The following GLIS3 variants were observed in gnomAD, a reference collection of about 807,000 sequenced individuals.
GLIS3 encodes GLIS family zinc finger 3.
In GLIS3, 53 loss-of-function variants were observed where a neutral mutation model predicts 78.6. That is an observed-to-expected ratio of 0.67 (90% confidence interval 0.54 to 0.85). The LOEUF (loss-of-function observed/expected upper bound fraction) is 0.85. Among genes scored for constraint, GLIS3 ranks in the 40% least tolerant of loss-of-function variants. The pLI is 0.00. For missense variants in GLIS3, 1,703 were observed against 1,231.1 expected, an observed-to-expected ratio of 1.38 and a Z score of -5.74; for synonymous variants, 684 against 509.9, an observed-to-expected ratio of 1.34 and a Z score of -4.60.
intron 6 of GLIS3, among the ~76,000 whole-genome samples, chr9:3,931,468 T>C (rs1825611584): frequency 6.6e-6 from 1 of 152,134 alleles, no homozygotes; most frequent in Non-Finnish European, 1.5e-5. Context: ...AAATTTGTTA[T>C]AAAGGGCCCT....
chr9:4,209,772 C>T (rs578141988), intron 2 of GLIS3, among the ~76,000 whole-genome samples: 1 of 151,636 alleles, frequency 6.6e-6, no homozygotes. Flanking sequence ...GGATGTTTAA[C>T]AGCATCCCTG....
intron 1 of GLIS3, chr9:4,298,594 ATT>A (rs1348058635): frequency 3.5e-6 from 1 of 285,896 alleles, no homozygotes; most frequent in Non-Finnish European, 7.0e-6. Flanking sequence ...ACACAGGGTC[ATT>A]TATAGGGACT....
intron 7 of GLIS3, among the ~76,000 whole-genome samples, chr9:3,889,394 C>T (rs944777810): frequency 3.3e-5 from 5 of 152,258 alleles, no homozygotes; most frequent in African/African-American, 1.2e-4. Flanking sequence ...TTCTGGATGC[C>T]TTCAATGGAA....
chr9:4,343,323 C>T (rs1386956415), intron 2 of GLIS3, among the ~76,000 whole-genome samples: 2 of 152,172 alleles, frequency 1.3e-5, no homozygotes, highest in African/African-American at 2.4e-5. Context: ...GCATGGGCAA[C>T]AGAGCTAGCA....
intron 4 of GLIS3, among the ~76,000 whole-genome samples, chr9:3,967,026 AAAAAAAAC>A (rs1463284870): frequency 8.0e-4 from 113 of 141,654 alleles, no homozygotes; most frequent in African/African-American, 2.9e-3. Context: ...AAAAAAAAAA[AAAAAAAAC>A]AAAAAAACAT....
At chr9:4,290,081 T>C (rs1389788540) in intron 1 of GLIS3, among the ~76,000 whole-genome samples, 1 of 152,128 alleles carries the variant, frequency 6.6e-6, no homozygotes, top group Non-Finnish European at 1.5e-5. Context: ...CCAGAAAATT[T>C]CAAGAACATG....
At chr9:3,888,249 T>TA (rs1822208596) in intron 7 of GLIS3, among the ~76,000 whole-genome samples, 6 of 152,126 alleles carry the variant, frequency 3.9e-5, no homozygotes, top group Admixed American at 2.6e-4. Context: ...AAAGCTGCAG[T>TA]AAAAAATACT....
At chr9:3,835,608 C>A (rs1219771307) in intron 9 of GLIS3, among the ~76,000 whole-genome samples, 2 of 152,184 alleles carry the variant, frequency 1.3e-5, no homozygotes, top group Non-Finnish European at 2.9e-5. Flanking sequence ...TGTGTGCTTG[C>A]CTTTGCTGCA....
chr9:3,848,044 T>A (rs1025106452), intron 9 of GLIS3, among the ~76,000 whole-genome samples: 9 of 152,244 alleles, frequency 5.9e-5, no homozygotes, highest in African/African-American at 2.2e-4. Context: ...TGATTTATAA[T>A]CAATTATATT....
At chr9:4,015,640 C>T (rs1340177601) in intron 4 of GLIS3, among the ~76,000 whole-genome samples, 4 of 152,168 alleles carry the variant, frequency 2.6e-5, no homozygotes, top group Non-Finnish European at 5.9e-5. Context: ...GTAATCCCAG[C>T]ACTTTGGGAG....
chr9:4,249,657 T>A (rs545206352), intron 2 of GLIS3, among the ~76,000 whole-genome samples: 7 of 152,236 alleles, frequency 4.6e-5, no homozygotes, highest in Admixed American at 4.6e-4. Flanking sequence ...AATACTATGT[T>A]GAATAAGGGT....
At chr9:4,171,212 T>C (rs577759881) in intron 2 of GLIS3, among the ~76,000 whole-genome samples, 1 of 152,298 alleles carries the variant, frequency 6.6e-6, no homozygotes, top group Non-Finnish European at 1.5e-5. Flanking sequence ...TACATATACA[T>C]ATAAGTACAC....
intron 2 of GLIS3, among the ~76,000 whole-genome samples, chr9:4,271,714 C>A (rs1393212411): frequency 6.6e-6 from 1 of 152,136 alleles, no homozygotes; most frequent in Non-Finnish European, 1.5e-5. Flanking sequence ...AACCAAAAGT[C>A]TTGAATAAGG....
intron 4 of GLIS3, among the ~76,000 whole-genome samples, chr9:4,053,400 C>A (rs74872476): frequency 0.013 from 2,052 of 152,190 alleles, 29 homozygotes; most frequent in Middle Eastern, 0.12. Context: ...CTCCTCCCAC[C>A]CCAGGCACTT....
chr9:4,461,447 T>C, the GLIS3 span, among the ~76,000 whole-genome samples: 1 of 152,342 alleles, frequency 6.6e-6, no homozygotes, highest in South Asian at 2.1e-4. Context: ...AGTAATTTTA[T>C]CTTCCTTGTT....
At chr9:4,040,564 A>G (rs1824723491) in intron 4 of GLIS3, among the ~76,000 whole-genome samples, 1 of 152,252 alleles carries the variant, frequency 6.6e-6, no homozygotes, top group African/African-American at 2.4e-5. Context: ...AAGCAAGTGA[A>G]GAAAAATATT....
At chr9:4,073,926 A>G (rs958193767) in intron 4 of GLIS3, among the ~76,000 whole-genome samples, 4 of 152,208 alleles carry the variant, frequency 2.6e-5, no homozygotes, top group African/African-American at 9.6e-5. Context: ...CCTGCTTACA[A>G]TGCAGAAGAG....
At chr9:3,924,503 C>A (rs1193808926) in intron 6 of GLIS3, among the ~76,000 whole-genome samples, 1 of 152,226 alleles carries the variant, frequency 6.6e-6, no homozygotes, top group Non-Finnish European at 1.5e-5. Context: ...GACATGGCCA[C>A]CTGCCTGGTA....
chr9:4,121,430 A>G (rs1832172128), intron 3 of GLIS3, among the ~76,000 whole-genome samples: 2 of 152,364 alleles, frequency 1.3e-5, no homozygotes, highest in South Asian at 4.1e-4. Flanking sequence ...TAAGTACTCA[A>G]AAAACTGTTG....
Sources: allele counts gnomAD v4.1 joint callset (sites outside exome capture counted in the v4.1 genomes callset), GRCh38; gene constraint gnomAD v4.1.1; transcripts MANE v1.5; gene names NCBI Gene and HGNC (gene_info 2026-07-23, HGNC 2026-07-21).